CUL4A: variants seen among roughly 807,000 people sequenced by gnomAD.
CUL4A encodes the protein cullin 4A.
Under a neutral mutation model 95.5 loss-of-function variants are expected in CUL4A, and 16 were observed. The ratio of observed to expected loss-of-function variants is 0.17; its 90% CI spans 0.11 to 0.25. CUL4A has a LOEUF of 0.25. Ranked by LOEUF, CUL4A falls within the 10% of genes least tolerant of loss-of-function variation. The pLI, the probability that CUL4A is intolerant of heterozygous loss-of-function variation, is 1.00. For synonymous variants in CUL4A, 380 were observed against 353.1 expected, an observed-to-expected ratio of 1.08 and a Z score of -0.85; for missense variants, 610 against 937.0, an observed-to-expected ratio of 0.65 and a Z score of 4.56.
chr13:113,250,124 T>G (rs550233691), intron 15 of CUL4A, among the ~76,000 whole-genome samples: 2 of 152,208 alleles, frequency 1.3e-5, no homozygotes, highest in Admixed American at 1.3e-4. Flanking sequence ...TTTGTAACTT[T>G]TGGTGTCATG....
chr13:113,210,283 G>C (rs1595332562), intron 2 of CUL4A, among the ~76,000 whole-genome samples, 195 bp downstream of exon 2: 3 of 152,346 alleles, frequency 2.0e-5, no homozygotes, highest in African/African-American at 4.8e-5. Flanking sequence ...TTTGTTTTCA[G>C]GCTTAAGCTG....
Position 113,234,032 on chromosome 13 carries a change from G to A in CUL4A, c.765+46G>A, listed in dbSNP as rs187721296. The A allele has an allele frequency of 3.0e-4, 354 of 1,172,058 alleles. 1 individual carries two copies. The East Asian group carries it at 7.0e-3, about 23-fold the overall frequency. The allele number at this position is 1,172,058 out of a possible 1,614,324, so 72.6% of individuals were successfully genotyped here. A position where few individuals can be genotyped will look rare whatever the true frequency, so the allele number is the denominator to read the frequency against. On this transcript the variant is annotated intron_variant, in intron 7 of 19. Transcript: ENST00000375440. ...CGAATCCCCTGGCTTCGTTTCTGCA[G>A]ATGAGCACCTAGGAGGACTTTCCTC...
chr13:113,238,734 G>A (rs374092253), intron 9 of CUL4A, among the ~76,000 whole-genome samples: 10 of 152,122 alleles, frequency 6.6e-5, no homozygotes, highest in African/African-American at 1.4e-4. Context: ...ATGTGTTTGC[G>A]CACAGCTTTA....
At chr13:113,213,059 A>C (rs1373007282) in intron 2 of CUL4A, among the ~76,000 whole-genome samples, 1 of 152,076 alleles carries the variant, frequency 6.6e-6, no homozygotes, top group Admixed American at 6.6e-5. Flanking sequence ...CGGTATATAG[A>C]ATCTACAGAT....
chr13:113,211,692 G>C (rs1255430282), intron 2 of CUL4A, among the ~76,000 whole-genome samples: 1 of 152,108 alleles, frequency 6.6e-6, no homozygotes, highest in African/African-American at 2.4e-5. Context: ...GCCTTGGGTT[G>C]TTTTAAATAA....
chr13:113,221,205 A>G (rs2040884768), intron 3 of CUL4A, among the ~76,000 whole-genome samples: 1 of 152,202 alleles, frequency 6.6e-6, no homozygotes, highest in South Asian at 2.1e-4. Flanking sequence ...CTGTGATGCT[A>G]AGTTGCAGAC....
chr13:113,242,956 T>C lies in CUL4A; in HGVS notation c.1036-12T>C. On this transcript the variant is annotated splice_polypyrimidine_tract_variant and intron_variant, in intron 10 of 19. Transcript: ENST00000375440. ...AACATGTTGCTGAGTTGGTATTGAT[T>C]TGCTTTTGTAGACTTTTGGAACAGC... 1 of 1,595,172 alleles carries C rather than the reference T, an allele frequency of 6.3e-7. No individual in the cohort carries two copies. The highest frequency in any genetic ancestry group is 1.7e-5 in the Admixed American group (1 of 59,374).
intron 7 of CUL4A, 135 bp downstream of exon 7, chr13:113,234,121 C>A (rs772584270): frequency 8.7e-6 from 5 of 572,678 alleles, no homozygotes; most frequent in Non-Finnish European, 1.2e-5. Context: ...TGCAATCTTG[C>A]CAGAATCCCC....
chr13:113,214,866 G>T (rs1669034749), intron 2 of CUL4A, among the ~76,000 whole-genome samples: 1 of 152,106 alleles, frequency 6.6e-6, no homozygotes, highest in East Asian at 1.9e-4. Context: ...GGCTGTGAAG[G>T]TCGCTATATG....
chr13:113,236,633 A>G (rs1267039965), intron 8 of CUL4A, among the ~76,000 whole-genome samples, 190 bp from the exon 9 acceptor site: 1 of 152,200 alleles, frequency 6.6e-6, no homozygotes, highest in African/African-American at 2.4e-5. Context: ...GGTGGTTTTT[A>G]GAAAGGGCTT....
At chr13:113,224,881 G>C (rs994376281) in intron 3 of CUL4A, among the ~76,000 whole-genome samples, 1 of 152,202 alleles carries the variant, frequency 6.6e-6, no homozygotes, top group Non-Finnish European at 1.5e-5. Context: ...ATGAATGAGG[G>C]TCGGCCTAGG....
intron 16 of CUL4A, 121 bp from the exon 17 acceptor site, chr13:113,254,572 G>C (rs1325960853): frequency 3.2e-6 from 2 of 624,978 alleles, no homozygotes; most frequent in East Asian, 5.8e-5. Flanking sequence ...TCCAGCCTGG[G>C]TGACAGAGCG....
chr13:113,248,429 A>C (rs1484808044), intron 15 of CUL4A, among the ~76,000 whole-genome samples: 1 of 152,126 alleles, frequency 6.6e-6, no homozygotes, highest in Middle Eastern at 3.2e-3. Context: ...TCTGTGAGCC[A>C]CCCTTAACAC....
intron 2 of CUL4A, among the ~76,000 whole-genome samples, chr13:113,214,320 C>T (rs149075922): frequency 5.3e-5 from 8 of 152,212 alleles, no homozygotes; most frequent in Non-Finnish European, 8.8e-5. Flanking sequence ...ACCTGAATTT[C>T]GGTCTGTAAT....
intron 5 of CUL4A, chr13:113,230,091 C>T (rs2041257703): frequency 5.6e-6 from 1 of 177,592 alleles, no homozygotes; most frequent in East Asian, 1.4e-4. Context: ...AATCCTGCCG[C>T]CTCCTGCAAG....
intron 15 of CUL4A, among the ~76,000 whole-genome samples, chr13:113,249,506 A>AT (rs1241304794): frequency 1.3e-5 from 2 of 152,194 alleles, no homozygotes; most frequent in East Asian, 3.8e-4. Context: ...TTCACCAAAC[A>AT]TTGGGCATTT....
intron 18 of CUL4A, among the ~76,000 whole-genome samples, chr13:113,260,041 T>TA (rs2042227247): frequency 7.1e-6 from 1 of 141,774 alleles, no homozygotes; most frequent in Non-Finnish European, 1.5e-5. Flanking sequence ...CTGTCTCTAC[T>TA]AAAAATACAA....
In CUL4A at chr13:113,266,580, A is replaced by G. The variant is rs1396920625; in HGVS notation, c.*2998A>G. The G allele has an allele frequency of 6.6e-6, 1 of 152,252 alleles. No individual in the cohort carries two copies. Among genetic ancestry groups the G allele is most frequent in the Non-Finnish European group, 1.5e-5 (1 of 68,044 alleles). 9.4% of individuals were successfully genotyped at this position (152,252 alleles called of 1,614,324 possible). ...TTGTTTTAAATTCTGCTGTTTTTAG[A>G]ACATTGTAATTGAAACAGCATGATG... On this transcript the variant is annotated 3_prime_UTR_variant, in exon 20 of 20. Coordinates refer to ENST00000375440, the MANE Select transcript of CUL4A (RefSeq NM_001008895.4).
intron 15 of CUL4A, among the ~76,000 whole-genome samples, chr13:113,251,458 T>C (rs910404349): frequency 1.3e-5 from 2 of 151,742 alleles, no homozygotes; most frequent in African/African-American, 4.8e-5. Context: ...AATGGTGAGC[T>C]CGTGGGAGAG....
Sources: gnomAD v4.1 joint callset for allele counts (sites outside exome capture counted in the v4.1 genomes callset) on GRCh38, gnomAD v4.1.1 for gene constraint, MANE v1.5 for transcripts, NCBI Gene and HGNC (gene_info 2026-07-23, HGNC 2026-07-21) for gene names.